The following MAP3K13 variants were observed in gnomAD, a reference collection of about 807,000 sequenced individuals.
The protein encoded by MAP3K13 is mitogen-activated protein kinase kinase kinase 13.
A neutral mutation model predicts 104.0 loss-of-function variants in MAP3K13; 52 were observed. The ratio of observed to expected loss-of-function variants is 0.50; its 90% CI spans 0.40 to 0.63. The LOEUF is 0.63. Ranked by LOEUF, MAP3K13 falls within the 20% of genes least tolerant of loss-of-function variation. MAP3K13 has a pLI of 0.00. For missense variants in MAP3K13, 914 were observed against 1,218.5 expected, an observed-to-expected ratio of 0.75 and a Z score of 3.72; for synonymous variants, 394 against 442.2, an observed-to-expected ratio of 0.89 and a Z score of 1.37.
In MAP3K13 at chr3:185,317,178, A is replaced by C. The variant is rs140838752; in HGVS notation, c.-86+31535A>C. On this transcript the variant is annotated intron_variant, in intron 2 of 14. Transcript: ENST00000424227. ...TGAGTTACGTTTTTTCAGCCCTGAA[A>C]ACAGCTTTGGAGAGGAAGCTAGATG... Among the ~76,000 whole-genome samples the C allele has an allele frequency of 4.4e-3, 665 of 152,336 alleles. 3 individuals are homozygous for C. The highest frequency in any genetic ancestry group is 0.015 in the African/African-American group (630 of 41,578).
chr3:185,376,450 T>C lies in MAP3K13; in HGVS notation c.-86+13082T>C, dbSNP rs548426896. Among the ~76,000 whole-genome samples the C allele has an allele frequency of 7.9e-5, 12 of 152,194 alleles. No individual in the cohort carries two copies. In the East Asian group the frequency reaches 2.3e-3, roughly 29 times the overall value. On this transcript the variant is annotated intron_variant, in intron 1 of 13. Transcript: ENST00000265026. ...CTAGGCTAAAACAGTAAGGTCAAGTTGTTTGGACAGAAAGGCTACAGGGCG... is the reference window on the plus strand; with the variant it reads ...CTAGGCTAAAACAGTAAGGTCAAGTCGTTTGGACAGAAAGGCTACAGGGCG...
Position 185,482,573 on chromosome 3 carries a change from C to T in MAP3K13, c.*117C>T. 1.4e-6 allele frequency: 1 copy of T among 694,910 alleles called. No homozygotes were observed. The highest frequency in any genetic ancestry group is 2.5e-6 in the Non-Finnish European group (1 of 397,888). 43.0% of individuals were successfully genotyped at this position (694,910 alleles called of 1,614,324 possible). A position where few individuals can be genotyped will look rare whatever the true frequency, so the allele number is the denominator to read the frequency against. ...TGTCTGGGAAGAGAGACTACCCCAT[C>T]TTTACCACCCCCTAGAAATGAGCTG... On this transcript the variant is annotated 3_prime_UTR_variant, in exon 14 of 14. Transcript: ENST00000265026. This position sits in a 1 kb window ranked among gnomAD's most constrained non-coding sequence, Gnocchi z 4.5.
At chr3:185,395,055 G>A (rs1231104964) in intron 1 of MAP3K13, among the ~76,000 whole-genome samples, 2 of 151,960 alleles carry the variant, frequency 1.3e-5, no homozygotes, top group African/African-American at 4.8e-5. Flanking sequence ...TTTTGAACGT[G>A]GGATATATTT....
At chr3:185,359,094 A>T (rs567272071), upstream of MAP3K13, among the ~76,000 whole-genome samples, 12 of 152,330 alleles carry the variant, frequency 7.9e-5, no homozygotes, top group Non-Finnish European at 1.8e-4. Context: ...CAATTTACAA[A>T]AGAAAGAGGT....
At chr3:185,357,858 A>G (rs1723431902) in intron 2 of MAP3K13, among the ~76,000 whole-genome samples, 1 of 152,236 alleles carries the variant, frequency 6.6e-6, no homozygotes, top group Non-Finnish European at 1.5e-5. Context: ...GCTTTTCTCC[A>G]GCTGGCTAGA....
chr3:185,418,756 A>G lies in MAP3K13; in HGVS notation c.-85-9741A>G. On this transcript the variant is annotated intron_variant, in intron 1 of 13. Coordinates refer to ENST00000265026, the MANE Select transcript of MAP3K13 (RefSeq NM_004721.5). The surrounding 1 kb of genome is among the most constrained non-coding windows in gnomAD (Gnocchi z 4.5). The stretch of plus-strand genomic sequence containing the variant: ...CTCCCCCTTTTCGGAGTACACCGAT[A>G]TCATTGGGCGAGCACACGCCATGGC... The G allele has an allele frequency of 3.7e-6, 6 of 1,608,450 alleles. No homozygotes were observed. The highest frequency in any genetic ancestry group is 5.1e-6 in the Non-Finnish European group (6 of 1,175,724).
chr3:185,355,646 CCAAA>C (rs1723323316), intron 2 of MAP3K13, among the ~76,000 whole-genome samples: 2 of 151,722 alleles, frequency 1.3e-5, no homozygotes, highest in Non-Finnish European at 1.5e-5. Flanking sequence ...AAAAAACCAA[CCAAA>C]CAAACAAAAA....
intron 1 of MAP3K13, chr3:185,417,910 C>T: frequency 6.2e-7 from 1 of 1,604,482 alleles, no homozygotes; most frequent in Non-Finnish European, 8.5e-7. Flanking sequence ...CAAGATTCTG[C>T]TAAGATCTGT....
At chr3:185,412,243 T>C (rs1480019216) in intron 1 of MAP3K13, among the ~76,000 whole-genome samples, 2 of 152,226 alleles carry the variant, frequency 1.3e-5, no homozygotes, top group African/African-American at 4.8e-5. Context: ...TACATATTGT[T>C]TTCTGTCACA....
At position 185,418,216 on chromosome 3, in the gene MAP3K13, C is replaced by T; in HGVS notation, c.-85-10281C>T. The T allele has an allele frequency of 1.2e-6, 2 of 1,610,648 alleles. No individual in the cohort carries two copies. Among genetic ancestry groups the T allele is most frequent in the Non-Finnish European group, 8.5e-7 (1 of 1,178,186 alleles). On this transcript the variant is annotated intron_variant, in intron 1 of 13. Coordinates refer to ENST00000265026, the MANE Select transcript of MAP3K13 (RefSeq NM_004721.5). This position sits in a 1 kb window ranked among gnomAD's most constrained non-coding sequence, Gnocchi z 4.5. ...CATTTTGCCTTTGCCAGCTCTCATT[C>T]GCTGAGAGGCATAGACCTTTTCGAT...
intron 2 of MAP3K13, among the ~76,000 whole-genome samples, chr3:185,435,899 T>C (rs2148888024): frequency 6.6e-6 from 1 of 152,274 alleles, no homozygotes; most frequent in Middle Eastern, 3.4e-3. Context: ...GACCAGAGTA[T>C]CTTTGAAGCT....
At position 185,349,304 on chromosome 3, in the gene MAP3K13, T is replaced by G. The variant is rs112661709; in HGVS notation, c.-86+63661T>G. 1.2e-3 allele frequency among the ~76,000 whole-genome samples: 176 copies of G among 152,276 alleles called. 1 individual carries two copies. The highest frequency in any genetic ancestry group is 4.0e-3 in the African/African-American group (166 of 41,558). ...CCCTCCCTTCCTCAATGTCTCTTAT[T>G]TCCATCTTTACGTACATGTGTCCCC... On this transcript the variant is annotated intron_variant, in intron 2 of 14. Coordinates refer to the MAP3K13 transcript ENST00000424227.
chr3:185,455,799 GATATATGAGATATATATATGAGAT>G (rs1716669750), intron 7 of MAP3K13, among the ~76,000 whole-genome samples: 4 of 52,444 alleles, frequency 7.6e-5, no homozygotes, highest in African/African-American at 2.7e-4. Flanking sequence ...ATATATATGA[GATATATGAGATATATATATGAGAT>G]ATATATGAGA....
At chr3:185,285,601 T>C in exon 2 of MAP3K13, 4 of 1,533,854 alleles carry the variant, frequency 2.6e-6, no homozygotes, top group Non-Finnish European at 3.5e-6. Flanking sequence ...AAAACATGAG[T>C]CAATATGTAT....
At chr3:185,447,359 CA>C (rs1366601201) in intron 4 of MAP3K13, among the ~76,000 whole-genome samples, 3 of 151,564 alleles carry the variant, frequency 2.0e-5, no homozygotes, top group Non-Finnish European at 4.4e-5. Context: ...GGCATGGTGG[CA>C]GGTGCCTGTA....
intron 5 of MAP3K13, among the ~76,000 whole-genome samples, chr3:185,449,395 G>C (rs1044981807): frequency 7.6e-6 from 1 of 131,390 alleles, no homozygotes; most frequent in Admixed American, 7.7e-5. Flanking sequence ...AAAAAAAAAA[G>C]TTTTTAACAC....
At position 185,418,853 on chromosome 3, in the gene MAP3K13, T is replaced by A. The variant is rs1713960072; in HGVS notation, c.-85-9644T>A. The A allele has an allele frequency of 2.0e-6, 3 of 1,468,024 alleles. No individual in the cohort carries two copies. The highest frequency in any genetic ancestry group is 2.8e-6 in the Non-Finnish European group (3 of 1,089,486). 90.9% of individuals were successfully genotyped at this position (1,468,024 alleles called of 1,614,324 possible). A position where few individuals can be genotyped will look rare whatever the true frequency, so the allele number is the denominator to read the frequency against. ...GGAAAAGCATGTTCTTGTCTTTTCATCTGTTTTGGGTTTCAGTTCTCTTAA... is the reference window on the plus strand; with the variant it reads ...GGAAAAGCATGTTCTTGTCTTTTCAACTGTTTTGGGTTTCAGTTCTCTTAA... On this transcript the variant is annotated intron_variant, in intron 1 of 13. Transcript: ENST00000265026. The surrounding 1 kb of genome is among the most constrained non-coding windows in gnomAD (Gnocchi z 4.5).
chr3:185,358,607 CAGAT>C (rs377352116), upstream of MAP3K13, among the ~76,000 whole-genome samples: 2 of 143,118 alleles, frequency 1.4e-5, no homozygotes, highest in African/African-American at 5.1e-5. Context: ...ATCACTTTCT[CAGAT>C]AGGCATTTAA....
intron 4 of MAP3K13, among the ~76,000 whole-genome samples, chr3:185,446,504 T>C (rs180771418): frequency 6.6e-6 from 1 of 152,304 alleles, no homozygotes; most frequent in African/African-American, 2.4e-5. Flanking sequence ...TCTGAACAGG[T>C]TATTGCAAGT....
Sources: gnomAD v4.1 joint callset for allele counts (sites outside exome capture counted in the v4.1 genomes callset) on GRCh38, gnomAD v4.1.1 for gene constraint, Gnocchi (gnomAD v3.1) non-coding constraint, MANE v1.5 for transcripts, NCBI Gene and HGNC (gene_info 2026-07-23, HGNC 2026-07-21) for gene names.